The following EEF1E1 variants were observed in gnomAD, a reference collection of about 807,000 sequenced individuals.
EEF1E1 encodes eukaryotic translation elongation factor 1 epsilon-1.
EEF1E1 carries 19 observed loss-of-function variants against 19.9 expected under a neutral mutation model. The ratio of observed to expected loss-of-function variants is 0.95; its 90% confidence interval spans 0.66 to 1.40. The LOEUF (loss-of-function observed/expected upper bound fraction) is 1.40. Ranked by LOEUF, EEF1E1 falls within the 40% of genes most tolerant of loss-of-function variation. The pLI is 0.00. For synonymous variants in EEF1E1, 81 were observed against 80.0 expected, an observed-to-expected ratio of 1.01 and a Z score of -0.07; for missense variants, 198 against 202.2, an observed-to-expected ratio of 0.98 and a Z score of 0.13.
At chr6:8,094,572 A>ATT (rs1758113538) in intron 2 of EEF1E1, among the ~76,000 whole-genome samples, 6 of 149,136 alleles carry the variant, frequency 4.0e-5, no homozygotes, top group Non-Finnish European at 8.9e-5. Context: ...CTCTATTTAA[A>ATT]AAAAAAAAAA....
chr6:8,094,987 G>GT (rs201655005), intron 2 of EEF1E1, among the ~76,000 whole-genome samples: 1,594 of 152,202 alleles, frequency 0.01, 32 homozygotes, highest in African/African-American at 0.036. Flanking sequence ...CTGACTTTAT[G>GT]TTACAGGTAA....
intron 2 of EEF1E1, among the ~76,000 whole-genome samples, chr6:8,094,207 T>C (rs1481056190): frequency 6.6e-6 from 1 of 152,238 alleles, no homozygotes; most frequent in Admixed American, 6.5e-5. Flanking sequence ...TCTTATATGC[T>C]ATGATACTAT....
chr6:8,088,186 T>C (rs1757916442), intron 3 of EEF1E1, among the ~76,000 whole-genome samples: 2 of 152,132 alleles, frequency 1.3e-5, no homozygotes, highest in African/African-American at 4.8e-5. Context: ...ACATAGTGAG[T>C]ATCATGTCAT....
chr6:8,091,639 T>C (rs976462503), intron 2 of EEF1E1, among the ~76,000 whole-genome samples: 1 of 152,196 alleles, frequency 6.6e-6, no homozygotes, highest in African/African-American at 2.4e-5. Flanking sequence ...TGGCTTCTCT[T>C]AAAATTAACA....
chr6:8,090,154 GA>G (rs1474155869), intron 3 of EEF1E1, 31 bp downstream of exon 3: 28 of 1,482,764 alleles, frequency 1.9e-5, no homozygotes, highest in South Asian at 6.8e-5. Context: ...CAACACTACA[GA>G]AAAAAAGCCA....
At chr6:8,091,852 G>A (rs1172707340) in intron 2 of EEF1E1, among the ~76,000 whole-genome samples, 1 of 152,194 alleles carries the variant, frequency 6.6e-6, no homozygotes, top group African/African-American at 2.4e-5. Context: ...TTAAACTATA[G>A]AGAGGGCATT....
chr6:8,076,054 T>C (rs1757580381), downstream of EEF1E1, among the ~76,000 whole-genome samples: 1 of 152,180 alleles, frequency 6.6e-6, no homozygotes, highest in Non-Finnish European at 1.5e-5. Context: ...CTAATTTTAC[T>C]TCTCTTGTTA....
chr6:8,084,946 T>C (rs1757811508), intron 3 of EEF1E1, among the ~76,000 whole-genome samples: 1 of 152,156 alleles, frequency 6.6e-6, no homozygotes, highest in Non-Finnish European at 1.5e-5. Context: ...ATGAGGTAAG[T>C]TGTGCCTCAT....
chr6:8,102,047 G>A lies in EEF1E1; in HGVS notation c.87+388C>T, dbSNP rs78252149. On this transcript the variant is annotated intron_variant, in intron 1 of 3. Transcript: ENST00000379715. The stretch of plus-strand genomic sequence containing the variant: ...TACCTGGCACCCTGTTAGCTATAAC[G>A]GAGTCGCTGCGCAATAACTGAATGA... The A allele has an allele frequency of 1.6e-3, 1,876 of 1,181,166 alleles. 24 individuals carry two copies. In the African/African-American group the frequency reaches 0.027, roughly 17 times the overall value. The allele number at this position is 1,181,166 out of a possible 1,614,324, so 73.2% of individuals were successfully genotyped here.
downstream of EEF1E1, among the ~76,000 whole-genome samples, chr6:8,078,960 G>A (rs529962401): frequency 7.2e-5 from 11 of 152,184 alleles, no homozygotes; most frequent in South Asian, 8.3e-4. Flanking sequence ...AGCATTAAAC[G>A]GGAAAGCCCC....
intron 3 of EEF1E1, among the ~76,000 whole-genome samples, chr6:8,087,282 A>T (rs575503040): frequency 1.6e-4 from 24 of 152,272 alleles, no homozygotes; most frequent in Non-Finnish European, 2.6e-4. Context: ...CCTTGGTGCG[A>T]TCTCTGCTCA....
At chr6:8,098,948 A>C (rs1320388810) in intron 1 of EEF1E1, among the ~76,000 whole-genome samples, 2 of 152,242 alleles carry the variant, frequency 1.3e-5, no homozygotes, top group Admixed American at 1.3e-4. Flanking sequence ...TCATCTAATC[A>C]TTACATCTTC....
At chr6:8,100,550 C>T (rs1177042322) in intron 1 of EEF1E1, among the ~76,000 whole-genome samples, 1 of 152,134 alleles carries the variant, frequency 6.6e-6, no homozygotes, top group Non-Finnish European at 1.5e-5. Context: ...CCAGCTATCA[C>T]CGGACCTTCG....
At position 8,099,793 on chromosome 6, in the gene EEF1E1, A is replaced by ACACACAC. The variant is rs1554099777; in HGVS notation, c.88-2327_88-2326insGTGTGTG. Among the ~76,000 whole-genome samples, 279 of 116,976 alleles carry ACACACAC rather than the reference A, an allele frequency of 2.4e-3. 2 individuals are homozygous for ACACACAC. Among genetic ancestry groups the ACACACAC allele is most frequent in the Middle Eastern group, 8.7e-3 (2 of 230 alleles). The allele number at this position is 116,976 out of a possible 152,430, so 76.7% of individuals were successfully genotyped here. A position where few individuals can be genotyped will look rare whatever the true frequency, so the allele number is the denominator to read the frequency against. The stretch of plus-strand genomic sequence containing the variant: ...ACACACACACACACACACACACACA[A>ACACACAC]AAAAAAAACAGAACCCTCTATAATG... On this transcript the variant is annotated intron_variant, in intron 1 of 3. Coordinates refer to ENST00000379715, the MANE Select transcript of EEF1E1 (RefSeq NM_004280.5).
chr6:8,086,105 C>G (rs1422765353), intron 3 of EEF1E1, among the ~76,000 whole-genome samples: 1 of 152,032 alleles, frequency 6.6e-6, no homozygotes, highest in Admixed American at 6.6e-5. Context: ...AACATAATCA[C>G]TGAGGGATCT....
chr6:8,075,136 T>C (rs1278673061), downstream of EEF1E1, among the ~76,000 whole-genome samples: 1 of 152,178 alleles, frequency 6.6e-6, no homozygotes. Context: ...CAGTGAATCA[T>C]GATGTGGCAT....
downstream of EEF1E1, among the ~76,000 whole-genome samples, chr6:8,079,157 T>G (rs115853757): frequency 1.8e-3 from 271 of 152,326 alleles, 3 homozygotes; most frequent in African/African-American, 6.3e-3. Context: ...ATCTAGTAAT[T>G]AAAAATTCAA....
downstream of EEF1E1, chr6:8,078,646 G>T: frequency 1.6e-6 from 2 of 1,260,226 alleles, no homozygotes; most frequent in Middle Eastern, 2.3e-4. Flanking sequence ...CCACACACCT[G>T]GCCTGTGAAG....
intron 2 of EEF1E1, among the ~76,000 whole-genome samples, chr6:8,091,037 A>G (rs1757999275): frequency 6.6e-6 from 1 of 152,204 alleles, no homozygotes; most frequent in Non-Finnish European, 1.5e-5. Flanking sequence ...TCTTTTGGGT[A>G]TATACTTACA....
Sources: gnomAD v4.1 joint callset for allele counts (sites outside exome capture counted in the v4.1 genomes callset) on GRCh38, gnomAD v4.1.1 for gene constraint, MANE v1.5 for transcripts, NCBI Gene and HGNC (gene_info 2026-07-23, HGNC 2026-07-21) for gene names.